Variants in SNTB2 observed in about 807,000 individuals in gnomAD.
The protein encoded by SNTB2 is beta-2-syntrophin.
In SNTB2, 34 loss-of-function variants were observed where a neutral mutation model predicts 46.2. The observed-to-expected ratio is 0.74, with a 90% CI of 0.56 to 0.98. SNTB2 has a LOEUF of 0.98. Among genes scored for constraint, SNTB2 ranks in the 50% least tolerant of loss-of-function variants. The probability of loss-of-function intolerance (pLI) is 0.00; values close to 1 mark genes in which losing one functional copy is unlikely to be tolerated. For missense variants in SNTB2, 603 were observed against 731.4 expected (o/e 0.82, Z 2.02); for synonymous variants, 290 against 312.6 (o/e 0.93, Z 0.76).
chr16:69,204,108 G>C (rs1313133403), intron 1 of SNTB2, among the ~76,000 whole-genome samples: 1 of 151,942 alleles, frequency 6.6e-6, no homozygotes, highest in Non-Finnish European at 1.5e-5. Flanking sequence ...GGCCAGGCTG[G>C]TCTCGAACTT....
intron 2 of SNTB2, among the ~76,000 whole-genome samples, chr16:69,246,698 T>C (rs1236608096): frequency 1.4e-5 from 2 of 142,952 alleles, no homozygotes; most frequent in South Asian, 4.6e-4. Flanking sequence ...TCCTGGACTC[T>C]TTTTGGTTGG....
chr16:69,259,167 T>G (rs989771639), intron 2 of SNTB2, among the ~76,000 whole-genome samples: 2 of 151,460 alleles, frequency 1.3e-5, no homozygotes, highest in African/African-American at 4.8e-5. Flanking sequence ...AAACGACAGA[T>G]CCAGCAGTTG....
intron 5 of SNTB2, among the ~76,000 whole-genome samples, chr16:69,292,365 TATATATATATATATTATATATATATTA>T (rs1965169196): frequency 3.1e-5 from 1 of 32,468 alleles, no homozygotes; most frequent in Non-Finnish European, 5.7e-5. Flanking sequence ...TATATATATA[TATATATATATATATTATATATATATTA>T]TATATATATA....
At chr16:69,191,533 G>A (rs1964054139) in intron 1 of SNTB2, among the ~76,000 whole-genome samples, 1 of 118,238 alleles carries the variant, frequency 8.5e-6, no homozygotes, top group Non-Finnish European at 1.7e-5. Flanking sequence ...ACTCCAGCCT[G>A]GACAACAGAG....
At chr16:69,239,468 C>G (rs1164325388) in intron 1 of SNTB2, among the ~76,000 whole-genome samples, 2 of 152,194 alleles carry the variant, frequency 1.3e-5, no homozygotes, top group Non-Finnish European at 2.9e-5. Flanking sequence ...TCAGAAAACT[C>G]TGTTGTGCTA....
intron 4 of SNTB2, among the ~76,000 whole-genome samples, chr16:69,278,029 A>G (rs934430508): frequency 3.3e-5 from 5 of 152,240 alleles, no homozygotes; most frequent in African/African-American, 1.2e-4. Context: ...ACAAAATACA[A>G]AAATGAGCCA....
intron 5 of SNTB2, among the ~76,000 whole-genome samples, chr16:69,285,344 T>C (rs1340150479): frequency 6.8e-6 from 1 of 146,546 alleles, no homozygotes; most frequent in Non-Finnish European, 1.5e-5. Flanking sequence ...GACATTTTTA[T>C]AGTTCATCTC....
At chr16:69,249,243 C>G (rs560644351) in intron 2 of SNTB2, among the ~76,000 whole-genome samples, 9 of 151,990 alleles carry the variant, frequency 5.9e-5, no homozygotes, top group African/African-American at 2.2e-4. Flanking sequence ...CCAGAGTGGT[C>G]TCCAACTCCT....
intron 1 of SNTB2, among the ~76,000 whole-genome samples, chr16:69,244,440 A>C (rs969360226): frequency 5.3e-5 from 8 of 152,154 alleles, no homozygotes; most frequent in African/African-American, 1.7e-4. Flanking sequence ...TTTATTATAA[A>C]ACCTTTTATA....
chr16:69,224,480 G>A (rs1964439694), intron 1 of SNTB2, among the ~76,000 whole-genome samples: 1 of 152,072 alleles, frequency 6.6e-6, no homozygotes, highest in African/African-American at 2.4e-5. Flanking sequence ...CAAAGTACTG[G>A]GATTACAGGC....
chr16:69,280,265 A>C (rs1033596778), intron 4 of SNTB2, among the ~76,000 whole-genome samples: 5 of 152,304 alleles, frequency 3.3e-5, no homozygotes, highest in Non-Finnish European at 7.4e-5. Flanking sequence ...CTACCTCTTT[A>C]TACACAGACA....
At chr16:69,199,168 T>G (rs1192327657) in intron 1 of SNTB2, among the ~76,000 whole-genome samples, 1 of 152,126 alleles carries the variant, frequency 6.6e-6, no homozygotes. Context: ...GTGCTGGGAT[T>G]ACAGGCGTGA....
At chr16:69,284,936 A>G (rs971113034) in intron 5 of SNTB2, among the ~76,000 whole-genome samples, 2 of 152,164 alleles carry the variant, frequency 1.3e-5, no homozygotes, top group African/African-American at 2.4e-5. Context: ...AATGCTTACC[A>G]TTGTGTTACA....
intron 1 of SNTB2, among the ~76,000 whole-genome samples, chr16:69,222,592 CAA>C (rs201176169): frequency 3.1e-4 from 17 of 55,246 alleles, no homozygotes; most frequent in Admixed American, 6.2e-4. Context: ...GACTTCATCT[CAA>C]AAAAAAAAAA....
intron 1 of SNTB2, among the ~76,000 whole-genome samples, chr16:69,189,623 G>C (rs1038169891): frequency 2.6e-5 from 4 of 152,176 alleles, no homozygotes; most frequent in Non-Finnish European, 5.9e-5. Flanking sequence ...TGTAATCCCA[G>C]CTCCTAGGGA....
At position 69,272,855 on chromosome 16, in the gene SNTB2, A is replaced by G. The variant is rs187441918; in HGVS notation, c.1148+2570A>G. Among the ~76,000 whole-genome samples, 47 of 144,370 alleles carry G rather than the reference A, an allele frequency of 3.3e-4. No individual in the cohort carries two copies. The East Asian group carries it at 8.4e-3, about 26-fold the overall frequency. 94.7% of individuals were successfully genotyped at this position (144,370 alleles called of 152,430 possible). On this transcript the variant is annotated intron_variant, in intron 4 of 6. Transcript: ENST00000336278. ...CAGTGAACTGATATCTCACCACTGC[A>G]CTCCAGCCTGGGCGACAGAGCCAGA...
At chr16:69,283,981 A>C in intron 4 of SNTB2, 67 bp from the exon 5 acceptor site, 2 of 1,433,784 alleles carry the variant, frequency 1.4e-6, no homozygotes, top group Non-Finnish European at 1.9e-6. Context: ...ATCAATGAGC[A>C]CAAATTCCTG....
intron 4 of SNTB2, among the ~76,000 whole-genome samples, chr16:69,281,033 G>A (rs903495699): frequency 6.6e-6 from 1 of 152,088 alleles, no homozygotes; most frequent in East Asian, 1.9e-4. Context: ...TCCTGACCGT[G>A]ATCCGCCCGC....
rs1948252949 is a variant in SNTB2, at chr16:69,307,444, A to T, written c.*6520A>T. 1 of 152,200 alleles carries T rather than the reference A, an allele frequency of 6.6e-6. No individual in the cohort carries two copies. Among genetic ancestry groups the T allele is most frequent in the Non-Finnish European group, 1.5e-5 (1 of 68,032 alleles). 9.4% of individuals were successfully genotyped at this position (152,200 alleles called of 1,614,324 possible). ...AGAACAGTATACAGTATCCTTTGTAAGATAAATCACAACAACAAAAATTAA... is the reference window on the plus strand; with the variant it reads ...AGAACAGTATACAGTATCCTTTGTATGATAAATCACAACAACAAAAATTAA... On this transcript the variant is annotated 3_prime_UTR_variant, in exon 7 of 7. Coordinates refer to ENST00000336278, the MANE Select transcript of SNTB2 (RefSeq NM_006750.4).
Sources: allele counts gnomAD v4.1 joint callset (sites outside exome capture counted in the v4.1 genomes callset), GRCh38; gene constraint gnomAD v4.1.1; transcripts MANE v1.5; gene names NCBI Gene and HGNC (gene_info 2026-07-23, HGNC 2026-07-21).